ZNF804B: variants seen among roughly 807,000 people sequenced by gnomAD.
ZNF804B encodes zinc finger protein 804B.
A neutral mutation model predicts 101.4 loss-of-function variants in ZNF804B; 80 were observed. That is an observed-to-expected ratio of 0.79 (90% confidence interval 0.66 to 0.95). The LOEUF (loss-of-function observed/expected upper bound fraction) is 0.95, where lower values mean the gene tolerates loss of function less well. Ranked by LOEUF, ZNF804B falls within the 40% of genes least tolerant of loss-of-function variation. ZNF804B has a pLI of 0.00. For missense variants in ZNF804B, 1,673 were observed against 1,561.9 expected, an observed-to-expected ratio of 1.07 and a Z score of -1.20; for synonymous variants, 622 against 558.8, an observed-to-expected ratio of 1.11 and a Z score of -1.59.
At chr7:89,293,024 C>T (rs924427163) in intron 2 of ZNF804B, among the ~76,000 whole-genome samples, 16 of 152,058 alleles carry the variant, frequency 1.1e-4, no homozygotes, top group African/African-American at 3.9e-4. Flanking sequence ...TGATTATATA[C>T]ATCTGTAGTT....
chr7:89,226,208 A>C (rs903818487), intron 2 of ZNF804B, among the ~76,000 whole-genome samples: 1 of 152,110 alleles, frequency 6.6e-6, no homozygotes, highest in African/African-American at 2.4e-5. Context: ...TCCACTTTTG[A>C]TTATTATGAA....
intron 1 of ZNF804B, among the ~76,000 whole-genome samples, chr7:89,143,663 TTTGTTC>T (rs1262184364): frequency 6.6e-6 from 1 of 152,072 alleles, no homozygotes; most frequent in Non-Finnish European, 1.5e-5. Flanking sequence ...AAATTTGATG[TTTGTTC>T]TTGCTTTAGT....
chr7:88,897,089 AGACT>A (rs1434794846), intron 1 of ZNF804B, among the ~76,000 whole-genome samples: 1 of 152,224 alleles, frequency 6.6e-6, no homozygotes, highest in Non-Finnish European at 1.5e-5. Context: ...AAACTGCGAT[AGACT>A]GACTGATGCC....
chr7:89,148,207 A>G (rs1333074854), intron 1 of ZNF804B, among the ~76,000 whole-genome samples: 1 of 152,114 alleles, frequency 6.6e-6, no homozygotes, highest in African/African-American at 2.4e-5. Context: ...GGTATATAAT[A>G]TCTATATCTT....
intron 1 of ZNF804B, among the ~76,000 whole-genome samples, chr7:88,769,048 G>A (rs1790025307): frequency 6.6e-6 from 1 of 152,162 alleles, no homozygotes; most frequent in Non-Finnish European, 1.5e-5. Flanking sequence ...TTATTACTCA[G>A]ATTGTGTGTG....
At chr7:88,934,727 A>C (rs182986770) in intron 1 of ZNF804B, among the ~76,000 whole-genome samples, 2 of 152,074 alleles carry the variant, frequency 1.3e-5, no homozygotes, top group East Asian at 3.9e-4. Flanking sequence ...AACAATTAAA[A>C]AGTAAAAAAC....
intron 1 of ZNF804B, among the ~76,000 whole-genome samples, chr7:88,838,939 G>C (rs1041582348): frequency 6.6e-6 from 1 of 151,964 alleles, no homozygotes; most frequent in African/African-American, 2.4e-5. Context: ...TAAGTAGAAT[G>C]ATAACTTGCA....
chr7:89,133,319 A>G (rs1179602697), intron 1 of ZNF804B, among the ~76,000 whole-genome samples: 1 of 152,056 alleles, frequency 6.6e-6, no homozygotes, highest in Non-Finnish European at 1.5e-5. Flanking sequence ...GGCCCTGAAG[A>G]TGAGACTTCA....
At chr7:88,814,964 T>C (rs1367059073) in intron 1 of ZNF804B, among the ~76,000 whole-genome samples, 1 of 150,958 alleles carries the variant, frequency 6.6e-6, no homozygotes, top group East Asian at 1.9e-4. Flanking sequence ...AGTGGAATTA[T>C]TTCTGAGGAT....
intron 1 of ZNF804B, among the ~76,000 whole-genome samples, chr7:89,032,444 G>C (rs1337305361): frequency 6.6e-6 from 1 of 152,012 alleles, no homozygotes; most frequent in African/African-American, 2.4e-5. Context: ...TGAGATATAA[G>C]ATTAATGAGT....
chr7:88,935,797 C>T (rs1470941784), intron 1 of ZNF804B, among the ~76,000 whole-genome samples: 2 of 151,720 alleles, frequency 1.3e-5, no homozygotes, highest in East Asian at 1.9e-4. Flanking sequence ...TTTTTTTATC[C>T]TATTTGGAAG....
At chr7:89,254,082 C>A (rs1426369377) in intron 2 of ZNF804B, among the ~76,000 whole-genome samples, 3 of 151,902 alleles carry the variant, frequency 2.0e-5, no homozygotes, top group Non-Finnish European at 4.4e-5. Context: ...GAACAAGAAA[C>A]AAGTCAGTGG....
chr7:89,044,743 A>C (rs1490641436), intron 1 of ZNF804B, among the ~76,000 whole-genome samples: 1 of 152,150 alleles, frequency 6.6e-6, no homozygotes, highest in Non-Finnish European at 1.5e-5. Flanking sequence ...TAGATGACTT[A>C]GGGTATCTGG....
intron 1 of ZNF804B, among the ~76,000 whole-genome samples, chr7:89,093,234 C>T (rs1417803842): frequency 6.6e-6 from 1 of 152,136 alleles, no homozygotes; most frequent in Admixed American, 6.5e-5. Context: ...AAACTGCTAC[C>T]TGTACCTCTG....
chr7:88,926,196 A>T (rs919249075), intron 1 of ZNF804B, among the ~76,000 whole-genome samples: 1 of 152,168 alleles, frequency 6.6e-6, no homozygotes, highest in Non-Finnish European at 1.5e-5. Flanking sequence ...ATGCAGGCAC[A>T]TCTTACGGAA....
chr7:89,039,820 A>G (rs1258749102), intron 1 of ZNF804B, among the ~76,000 whole-genome samples: 2 of 151,918 alleles, frequency 1.3e-5, no homozygotes, highest in Non-Finnish European at 2.9e-5. Flanking sequence ...CCTGGAGTGC[A>G]TGGTTACTGT....
intron 1 of ZNF804B, among the ~76,000 whole-genome samples, chr7:89,106,991 AC>A (rs2116346543): frequency 6.6e-6 from 1 of 152,262 alleles, no homozygotes; most frequent in Non-Finnish European, 1.5e-5. Flanking sequence ...TAAATACAGT[AC>A]TGAAACTCAG....
chr7:88,880,795 T>C (rs1197107383), intron 1 of ZNF804B, among the ~76,000 whole-genome samples: 1 of 152,108 alleles, frequency 6.6e-6, no homozygotes, highest in African/African-American at 2.4e-5. Context: ...ATTTTCAATA[T>C]GGTGATTATT....
chr7:88,895,309 G>T (rs1352940139), intron 1 of ZNF804B, among the ~76,000 whole-genome samples: 2 of 152,204 alleles, frequency 1.3e-5, no homozygotes, highest in Non-Finnish European at 1.5e-5. Context: ...GCTTCTCACT[G>T]TTAAAGTGGG....
Sources: allele counts gnomAD v4.1 joint callset (sites outside exome capture counted in the v4.1 genomes callset), GRCh38; gene constraint gnomAD v4.1.1; transcripts MANE v1.5; gene names NCBI Gene and HGNC (gene_info 2026-07-23, HGNC 2026-07-21).